Variants in ABCA5 observed in about 807,000 individuals in gnomAD.
The protein encoded by ABCA5 is cholesterol transporter ABCA5.
ABCA5 carries 163 observed loss-of-function variants against 206.0 expected under a neutral mutation model. The observed-to-expected ratio is 0.79, with a 90% CI of 0.70 to 0.90. The LOEUF is 0.90. Ranked by LOEUF, ABCA5 falls within the 40% of genes least tolerant of loss-of-function variation. The probability of loss-of-function intolerance (pLI) is 0.00; values close to 1 mark genes in which losing one functional copy is unlikely to be tolerated. For missense variants in ABCA5, 1,859 were observed against 1,912.9 expected (o/e 0.97, Z 0.53); for synonymous variants, 609 against 613.8 (o/e 0.99, Z 0.11).
chr17:69,298,233 A>AGGTAGGTAGGT lies in ABCA5; in HGVS notation c.1268-875_1268-874insACCTACCTACC, dbSNP rs1567774476. On this transcript the variant is annotated intron_variant, in intron 9 of 38. Transcript: ENST00000392676. ...GTCGGAAGGAAGGAAGGTAGGTAGG[A>AGGTAGGTAGGT]AGGAAGGAAGGAAGGAAGGAAGGAA... Among the ~76,000 whole-genome samples, 290 of 68,080 alleles carry AGGTAGGTAGGT rather than the reference A, an allele frequency of 4.3e-3. 4 individuals are homozygous for AGGTAGGTAGGT. The highest frequency in any genetic ancestry group is 0.014 in the East Asian group (31 of 2,236). The allele number at this position is 68,080 out of a possible 152,430, so 44.7% of individuals were successfully genotyped here.
At position 69,306,776 on chromosome 17, in the gene ABCA5, TTTTC is replaced by T. The variant is rs2075721380; in HGVS notation, c.733_736del (p.Glu245LysfsTer3). On this transcript the variant is annotated frameshift_variant, in exon 6 of 39. Coordinates refer to ENST00000392676, the MANE Select transcript of ABCA5 (RefSeq NM_172232.4). LOFTEE classifies it high-confidence loss of function. Reference sequence around the variant, plus strand: ...TATCTTTAAAAATTCTTTTATTTTTTTTTCTTTTTCTGCTACGATATGAATTGCC... The same window carrying T: ...TATCTTTAAAAATTCTTTTATTTTTTTTTTTCTGCTACGATATGAATTGCC... The T allele has an allele frequency of 6.4e-7, 1 of 1,570,816 alleles. No homozygotes were observed. Among genetic ancestry groups the T allele is most frequent in the Non-Finnish European group, 8.6e-7 (1 of 1,159,106 alleles).
intron 1 of ABCA5, among the ~76,000 whole-genome samples, chr17:69,322,535 T>C (rs2075873219): frequency 6.6e-6 from 1 of 152,056 alleles, no homozygotes; most frequent in Admixed American, 6.6e-5. Flanking sequence ...ATTTGAAAGC[T>C]ATAAAGTATT....
At chr17:69,255,656 A>G (rs1738283697) in intron 30 of ABCA5, 22 bp from the exon 31 acceptor site, 1 of 1,574,298 alleles carries the variant, frequency 6.4e-7, no homozygotes, top group African/African-American at 1.4e-5. Context: ...GAAAGAAAAA[A>G]AAATCATAAT....
At chr17:69,290,309 CTATT>C (rs1461592926) in intron 12 of ABCA5, among the ~76,000 whole-genome samples, 7 of 152,084 alleles carry the variant, frequency 4.6e-5, no homozygotes. Context: ...TATTGATACA[CTATT>C]TACACTTGTA....
intron 19 of ABCA5, among the ~76,000 whole-genome samples, chr17:69,274,842 T>A (rs895028239): frequency 9.0e-5 from 3 of 33,344 alleles, no homozygotes; most frequent in African/African-American, 3.4e-4. Flanking sequence ...CCATTTACTT[T>A]TTTTTTTTTT....
At chr17:69,250,748 C>T (rs1468871302) in intron 35 of ABCA5, 127 bp from the exon 36 acceptor site, 3 of 602,364 alleles carry the variant, frequency 5.0e-6, no homozygotes, top group Middle Eastern at 4.7e-4. Context: ...AAAGAAAATA[C>T]AGCATCCCCA....
chr17:69,309,143 G>T, intron 4 of ABCA5, 119 bp downstream of exon 4: 1 of 712,416 alleles, frequency 1.4e-6, no homozygotes, highest in Non-Finnish European at 2.1e-6. Flanking sequence ...TTTTCCTATT[G>T]GAACAAGTAA....
At chr17:69,270,182 A>T (rs564172999) in intron 22 of ABCA5, among the ~76,000 whole-genome samples, 1 of 152,144 alleles carries the variant, frequency 6.6e-6, no homozygotes, top group African/African-American at 2.4e-5. Flanking sequence ...GAAAATCAAA[A>T]GGATTAAGAG....
At chr17:69,308,159 TGTA>T (rs1356295579) in intron 5 of ABCA5, 118 bp downstream of exon 5, 1 of 444,428 alleles carries the variant, frequency 2.3e-6, no homozygotes, top group African/African-American at 2.0e-5. Flanking sequence ...TCAAAGGAGT[TGTA>T]GTAGGTTACA....
intron 32 of ABCA5, 103 bp from the exon 33 acceptor site, chr17:69,253,972 G>A (rs1202082802): frequency 1.4e-5 from 13 of 932,668 alleles, no homozygotes; most frequent in East Asian, 2.5e-5. Flanking sequence ...TAGTTACTTA[G>A]TCGAAGCTTA....
chr17:69,281,469 G>A (rs1165017487), intron 18 of ABCA5, among the ~76,000 whole-genome samples: 1 of 152,024 alleles, frequency 6.6e-6, no homozygotes, highest in Non-Finnish European at 1.5e-5. Context: ...TTGTGAGGGT[G>A]AACTAAAAGC....
intron 9 of ABCA5, among the ~76,000 whole-genome samples, 156 bp downstream of exon 9, chr17:69,300,983 C>A (rs1394764970): frequency 6.6e-6 from 1 of 151,992 alleles, no homozygotes; most frequent in Non-Finnish European, 1.5e-5. Context: ...GCCTAAGGTA[C>A]AAAATATACT....
intron 1 of ABCA5, among the ~76,000 whole-genome samples, chr17:69,320,911 T>A (rs1271302104): frequency 6.6e-6 from 1 of 152,214 alleles, no homozygotes; most frequent in Non-Finnish European, 1.5e-5. Flanking sequence ...AATATTTGGC[T>A]TCCTTTTCAG....
intron 28 of ABCA5, among the ~76,000 whole-genome samples, chr17:69,258,581 A>T (rs550154487): frequency 6.6e-6 from 1 of 152,210 alleles, no homozygotes; most frequent in South Asian, 2.1e-4. Flanking sequence ...TTGAAAAACT[A>T]CCTATTAGGT....
rs756687815 is a variant in ABCA5 at position 69,264,838 on chromosome 17, A to G, written c.3212T>C (p.Val1071Ala). The change falls in exon 24 of 39, where the codon GTT becomes GCT. Residue 1071 changes from valine (V) to alanine (A), a missense_variant. Val to Ala is a moderately conservative substitution (Grantham distance 64, BLOSUM62 0). Coordinates refer to ENST00000392676, the MANE Select transcript of ABCA5 (RefSeq NM_172232.4). ...LPSAYWIGQA[V>A]VDIPLFFIIL... ...GATAAAAAATAAGGGGATATCAACA[A>G]CAGCTTGTCCAATCCAATATGCAGA... is the stretch of plus-strand genomic sequence containing the variant. 6 of 1,601,758 alleles carry G rather than the reference A, an allele frequency of 3.7e-6. No homozygotes were observed. The highest frequency in any genetic ancestry group is 5.1e-6 in the Non-Finnish European group (6 of 1,174,348).
rs771770671 is a variant in ABCA5, at chr17:69,306,798, G to C, written c.715C>G (p.His239Asp). ...TTTTTTTCTTTTTCTGCTACGATATGAATTGCCAAAAAGTATCCAAAAGGT... is the reference window on the plus strand; with the variant it reads ...TTTTTTTCTTTTTCTGCTACGATATCAATTGCCAAAAAGTATCCAAAAGGT... ...FSPFGYFLAI[H>D]IVAEKEKKIK... The change falls in exon 6 of 39, where the codon CAT (histidine) becomes GAT (aspartate). Residue 239 changes from histidine to aspartate, a missense_variant. Transcript: ENST00000392676. The C allele has an allele frequency of 1.3e-6, 2 of 1,585,636 alleles. No homozygotes were observed. The highest frequency in any genetic ancestry group is 1.7e-6 in the Non-Finnish European group (2 of 1,165,840).
At chr17:69,297,383 TGA>T (rs747662073) in intron 9 of ABCA5, 24 bp from the exon 10 acceptor site, 19 of 1,566,130 alleles carry the variant, frequency 1.2e-5, no homozygotes, top group Non-Finnish European at 1.6e-5. Context: ...ATTAAAAAAC[TGA>T]GTTACCATAA....
intron 24 of ABCA5, among the ~76,000 whole-genome samples, chr17:69,264,098 G>C (rs1410819663): frequency 6.6e-6 from 1 of 152,102 alleles, no homozygotes; most frequent in Non-Finnish European, 1.5e-5. Flanking sequence ...AGTTTGATAG[G>C]AATAGTGTTG....
chr17:69,255,979 C>T, intron 29 of ABCA5, 129 bp from the exon 30 acceptor site: 1 of 1,091,932 alleles, frequency 9.2e-7, no homozygotes, highest in Non-Finnish European at 1.3e-6. Context: ...AAATAAATAT[C>T]CATTTATGAC....
Sources: allele counts gnomAD v4.1 joint callset (sites outside exome capture counted in the v4.1 genomes callset), GRCh38; gene constraint gnomAD v4.1.1; transcripts MANE v1.5; gene names NCBI Gene and HGNC (gene_info 2026-07-23, HGNC 2026-07-21).